Variants in TLL1 observed in about 807,000 individuals in gnomAD.
TLL1 encodes the protein tolloid-like protein 1.
Under a neutral mutation model 128.2 loss-of-function variants are expected in TLL1, and 49 were observed. That is an observed-to-expected ratio of 0.38 (90% confidence interval 0.30 to 0.48). The LOEUF (loss-of-function observed/expected upper bound fraction) is 0.48, where lower values mean the gene tolerates loss of function less well. TLL1 is among the 20% of genes least tolerant of loss of function. The pLI, the probability that TLL1 is intolerant of heterozygous loss-of-function variation, is 0.96. For synonymous variants in TLL1, 454 were observed against 418.8 expected, an observed-to-expected ratio of 1.08 and a Z score of -1.03; for missense variants, 1,123 against 1,242.0, an observed-to-expected ratio of 0.90 and a Z score of 1.44.
chr4:165,894,130 T>C (rs1731549656), intron 1 of TLL1, among the ~76,000 whole-genome samples: 1 of 152,138 alleles, frequency 6.6e-6, no homozygotes, highest in Non-Finnish European at 1.5e-5. Context: ...GGACAATGTA[T>C]AGAATAATGT....
At chr4:165,994,841 AG>A (rs1187660682) in intron 4 of TLL1, among the ~76,000 whole-genome samples, 2 of 152,166 alleles carry the variant, frequency 1.3e-5, no homozygotes, top group African/African-American at 2.4e-5. Context: ...AGAGCCTTGT[AG>A]ACACATATTT....
At chr4:166,027,201 A>G (rs1161994274) in intron 9 of TLL1, among the ~76,000 whole-genome samples, 1 of 152,096 alleles carries the variant, frequency 6.6e-6, no homozygotes, top group Non-Finnish European at 1.5e-5. Flanking sequence ...GCACCCATAG[A>G]CACAAACATG....
At chr4:166,018,977 T>A (rs1738081924) in intron 8 of TLL1, among the ~76,000 whole-genome samples, 1 of 152,198 alleles carries the variant, frequency 6.6e-6, no homozygotes, top group Admixed American at 6.5e-5. Context: ...CCAAAATAAA[T>A]TGTTCTGCCA....
intron 12 of TLL1, chr4:166,044,355 G>A (rs1200629007): frequency 1.3e-6 from 2 of 1,535,444 alleles, no homozygotes; most frequent in African/African-American, 1.4e-5. Context: ...TTGTGTGTCT[G>A]TACCTGCAGC....
chr4:165,903,704 C>T (rs1399377137), intron 1 of TLL1, among the ~76,000 whole-genome samples: 2 of 151,126 alleles, frequency 1.3e-5, no homozygotes, highest in African/African-American at 4.9e-5. Flanking sequence ...AGCCACTGCG[C>T]CCAGCAGAGG....
intron 7 of TLL1, among the ~76,000 whole-genome samples, chr4:166,013,769 G>A (rs939162707): frequency 6.6e-6 from 1 of 151,750 alleles, no homozygotes; most frequent in Non-Finnish European, 1.5e-5. Context: ...ACAATCTTGA[G>A]TCCCAAACAA....
At chr4:166,054,346 C>T (rs1457327985) in intron 12 of TLL1, among the ~76,000 whole-genome samples, 1 of 152,162 alleles carries the variant, frequency 6.6e-6, no homozygotes, top group Non-Finnish European at 1.5e-5. Context: ...AATAGTGCTA[C>T]ATTTGTTCAG....
chr4:165,912,657 G>A (rs576801349), intron 1 of TLL1, among the ~76,000 whole-genome samples: 6 of 150,606 alleles, frequency 4.0e-5, no homozygotes, highest in African/African-American at 1.5e-4. Flanking sequence ...TTGCCAAGTC[G>A]ATTTCCTCCT....
chr4:166,036,349 T>G (rs566417692), intron 9 of TLL1, among the ~76,000 whole-genome samples: 2 of 152,292 alleles, frequency 1.3e-5, no homozygotes. Flanking sequence ...CAGGAAATCT[T>G]AAAATTGTTC....
intron 1 of TLL1, among the ~76,000 whole-genome samples, chr4:165,980,374 G>C (rs1347001660): frequency 6.6e-6 from 1 of 152,094 alleles, no homozygotes; most frequent in South Asian, 2.1e-4. Context: ...TCAAAAGTTT[G>C]CATCTCCCCA....
chr4:165,891,977 G>A (rs1273603720), intron 1 of TLL1, among the ~76,000 whole-genome samples: 1 of 152,242 alleles, frequency 6.6e-6, no homozygotes, highest in Non-Finnish European at 1.5e-5. Flanking sequence ...GTAAAGGAAA[G>A]AGGTTTAATT....
chr4:165,927,206 TA>T (rs1733313945), intron 1 of TLL1, among the ~76,000 whole-genome samples: 3 of 152,216 alleles, frequency 2.0e-5, no homozygotes, highest in Admixed American at 2.0e-4. Flanking sequence ...AGATATATAC[TA>T]AAAGCAAATG....
At chr4:166,029,642 T>C (rs755558163) in intron 9 of TLL1, among the ~76,000 whole-genome samples, 6 of 152,066 alleles carry the variant, frequency 3.9e-5, no homozygotes, top group South Asian at 4.1e-4. Flanking sequence ...TGCAACCCTA[T>C]ACTCATTAAA....
At chr4:166,055,728 A>G (rs1279367572) in intron 13 of TLL1, among the ~76,000 whole-genome samples, 1 of 152,160 alleles carries the variant, frequency 6.6e-6, no homozygotes, top group East Asian at 1.9e-4. Flanking sequence ...TGTCTTTTTG[A>G]CAGATAATTA....
intron 1 of TLL1, among the ~76,000 whole-genome samples, chr4:165,914,234 C>G (rs1192068859): frequency 6.6e-6 from 1 of 151,966 alleles, no homozygotes; most frequent in Non-Finnish European, 1.5e-5. Context: ...GTTTATTTAT[C>G]CATCGCTACC....
At chr4:166,061,251 CTTT>C (rs1176866599) in intron 15 of TLL1, among the ~76,000 whole-genome samples, 8 of 41,992 alleles carry the variant, frequency 1.9e-4, no homozygotes, top group Non-Finnish European at 3.0e-4. Flanking sequence ...TTTTTTTTTT[CTTT>C]TTTTTTTTTG....
chr4:166,087,441 C>T (rs970760272), intron 18 of TLL1, among the ~76,000 whole-genome samples: 4 of 152,126 alleles, frequency 2.6e-5, no homozygotes, highest in South Asian at 4.2e-4. Context: ...CATTTTTTTC[C>T]AGTGGCCTCT....
chr4:165,911,238 C>T (rs1732513673), intron 1 of TLL1, among the ~76,000 whole-genome samples: 1 of 152,160 alleles, frequency 6.6e-6, no homozygotes, highest in South Asian at 2.1e-4. Context: ...TACTCTCTAC[C>T]TCCATAAGAT....
intron 1 of TLL1, among the ~76,000 whole-genome samples, chr4:165,913,761 C>A (rs1280020197): frequency 6.6e-6 from 1 of 152,148 alleles, no homozygotes; most frequent in African/African-American, 2.4e-5. Context: ...CACCTGTAAT[C>A]CCAGCACTTT....
Sources: gnomAD v4.1 joint callset for allele counts (sites outside exome capture counted in the v4.1 genomes callset) on GRCh38, gnomAD v4.1.1 for gene constraint, MANE v1.5 for transcripts, NCBI Gene and HGNC (gene_info 2026-07-23, HGNC 2026-07-21) for gene names.